Variants in WWOX observed in about 807,000 individuals in gnomAD.
WWOX encodes WW domain-containing oxidoreductase.
In WWOX, 69 loss-of-function variants were observed where a neutral mutation model predicts 46.2. That is an observed-to-expected ratio of 1.49 (90% CI 1.23 to 1.82). The LOEUF (loss-of-function observed/expected upper bound fraction) is 1.82. Among genes scored for constraint, WWOX ranks in the 40% most tolerant of loss-of-function variants. The pLI is 0.00. For missense variants in WWOX, 919 were observed against 542.6 expected (o/e 1.69, Z -6.89); for synonymous variants, 359 against 202.6 (o/e 1.77, Z -6.56).
intron 8 of WWOX, among the ~76,000 whole-genome samples, chr16:78,801,191 A>G (rs913965381): frequency 6.6e-6 from 1 of 151,912 alleles, no homozygotes; most frequent in Non-Finnish European, 1.5e-5. Context: ...TTTCTACCTC[A>G]TTAAAACAAA....
chr16:78,462,746 C>T (rs1337390123), intron 8 of WWOX, among the ~76,000 whole-genome samples: 2 of 152,200 alleles, frequency 1.3e-5, no homozygotes, highest in Non-Finnish European at 2.9e-5. Flanking sequence ...TAGTTACTGT[C>T]AGTTGTTGTA....
At position 78,721,778 on chromosome 16, in the gene WWOX, C is replaced by G. The variant is rs539288423; in HGVS notation, c.1056+289026C>G. On this transcript the variant is annotated intron_variant, in intron 8 of 8. Transcript: ENST00000566780. The stretch of plus-strand genomic sequence containing the variant: ...TACATACACAGGGCCAGGTACATAG[C>G]AGGTGCTCCGAAGATACCCCCGACT... 5.9e-5 allele frequency among the ~76,000 whole-genome samples: 9 copies of G among 152,300 alleles called. No homozygotes were observed. The South Asian group carries it at 1.9e-3, about 32-fold the overall frequency.
At chr16:78,579,538 G>A (rs575254093) in intron 8 of WWOX, among the ~76,000 whole-genome samples, 1 of 152,124 alleles carries the variant, frequency 6.6e-6, no homozygotes, top group Middle Eastern at 3.2e-3. Flanking sequence ...AGGATGCTAG[G>A]TGAGGTGCTG....
At chr16:78,910,311 A>G (rs2045075857) in intron 8 of WWOX, among the ~76,000 whole-genome samples, 1 of 150,640 alleles carries the variant, frequency 6.6e-6, no homozygotes, top group African/African-American at 2.4e-5. Flanking sequence ...TGGATCCTCC[A>G]TCTTCCAGCA....
rs183323956 is a variant in WWOX, at chr16:78,481,210, G to A, written c.1056+48458G>A. ...TGTAAATAAGTAGACATCTTTTGAG[G>A]CGTATGCCCTTAATTTTTCTAACTG... On this transcript the variant is annotated intron_variant, in intron 8 of 8. Transcript: ENST00000566780. 2.9e-3 allele frequency among the ~76,000 whole-genome samples: 437 copies of A among 152,248 alleles called. 3 individuals carry two copies. The highest frequency in any genetic ancestry group is 0.01 in the African/African-American group (424 of 41,552).
chr16:78,941,510 A>C (rs992638367), intron 8 of WWOX, among the ~76,000 whole-genome samples: 17 of 151,060 alleles, frequency 1.1e-4, no homozygotes, highest in Admixed American at 8.6e-4. Flanking sequence ...TGGATTCAGG[A>C]GTTCATAGTA....
chr16:79,133,459 C>A (rs553326541), intron 8 of WWOX, among the ~76,000 whole-genome samples: 4 of 152,180 alleles, frequency 2.6e-5, no homozygotes, highest in African/African-American at 9.7e-5. Flanking sequence ...TTACACAGAA[C>A]GAGTACGGTC....
intron 8 of WWOX, among the ~76,000 whole-genome samples, chr16:78,828,016 G>A (rs535156456): frequency 1.6e-3 from 239 of 152,298 alleles, no homozygotes; most frequent in Admixed American, 3.4e-3. Flanking sequence ...ATTAGCTGCT[G>A]GGTGTCAAGA....
At chr16:78,509,924 TAA>T (rs59162697) in intron 8 of WWOX, among the ~76,000 whole-genome samples, 80,110 of 142,582 alleles carry the variant, frequency 0.56, 25,384 homozygotes, top group Non-Finnish European at 0.7. Context: ...CTCATCTCTT[TAA>T]AAAAAAAAAA....
At chr16:78,411,909 C>G (rs999854396) in intron 6 of WWOX, among the ~76,000 whole-genome samples, 5 of 152,178 alleles carry the variant, frequency 3.3e-5, no homozygotes, top group African/African-American at 1.2e-4. Flanking sequence ...GGGAAGCAGG[C>G]TTTGGTTTCT....
chr16:78,229,353 C>G lies in WWOX; in HGVS notation c.516+65064C>G, dbSNP rs114448765. ...GATCAAATTGCTTTTCTTTTTAACT[C>G]TAGTTAAATATTTTCCATTCTTTTT... On this transcript the variant is annotated intron_variant, in intron 5 of 8. Coordinates refer to ENST00000566780, the MANE Select transcript of WWOX (RefSeq NM_016373.4). Among the ~76,000 whole-genome samples the G allele has an allele frequency of 9.1e-3, 1,380 of 150,972 alleles. 31 individuals are homozygous for G. The highest frequency in any genetic ancestry group is 0.032 in the African/African-American group (1,322 of 41,324).
chr16:79,083,746 G>C (rs925312607), intron 8 of WWOX, among the ~76,000 whole-genome samples: 1 of 152,182 alleles, frequency 6.6e-6, no homozygotes, highest in African/African-American at 2.4e-5. Flanking sequence ...TTTCACTAAG[G>C]CACAAAGGGA....
Position 78,736,853 on chromosome 16 carries a change from C to T in WWOX, c.1056+304101C>T, listed in dbSNP as rs8051793. On this transcript the variant is annotated intron_variant, in intron 8 of 8. Transcript: ENST00000566780. ...CAAACTCCTGGGCTCATACAATTCC[C>T]CTGCCTCAGAATCCCAAAGTGCTGG... 5.6e-3 allele frequency among the ~76,000 whole-genome samples: 846 copies of T among 152,112 alleles called. 7 individuals carry two copies. The highest frequency in any genetic ancestry group is 0.019 in the African/African-American group (768 of 41,484).
intron 8 of WWOX, among the ~76,000 whole-genome samples, chr16:78,735,054 A>T (rs963649074): frequency 6.6e-6 from 1 of 150,586 alleles, no homozygotes; most frequent in Non-Finnish European, 1.5e-5. Context: ...GTTAGTAGAG[A>T]CAGGGTTTCA....
intron 8 of WWOX, among the ~76,000 whole-genome samples, chr16:78,504,940 C>T (rs2085156656): frequency 6.6e-6 from 1 of 152,098 alleles, no homozygotes; most frequent in African/African-American, 2.4e-5. Flanking sequence ...CGTTGCAGGA[C>T]TCCCCGGAAA....
intron 5 of WWOX, among the ~76,000 whole-genome samples, chr16:78,322,587 A>G (rs1343250487): frequency 2.0e-5 from 3 of 152,344 alleles, no homozygotes; most frequent in East Asian, 3.9e-4. Context: ...GAGAGGTACA[A>G]TTCAAACCCA....
At chr16:79,184,574 G>A (rs981690572) in intron 8 of WWOX, among the ~76,000 whole-genome samples, 26 of 152,146 alleles carry the variant, frequency 1.7e-4, no homozygotes, top group Admixed American at 5.2e-4. Flanking sequence ...CACCCACTCT[G>A]CAACTCTCCA....
chr16:78,796,526 A>G (rs75040401), intron 8 of WWOX, among the ~76,000 whole-genome samples: 2,093 of 152,374 alleles, frequency 0.014, 51 homozygotes, highest in African/African-American at 0.047. Context: ...AAATGTTTTC[A>G]GTGAACACAT....
At chr16:78,184,709 T>A (rs2035641008) in intron 5 of WWOX, among the ~76,000 whole-genome samples, 1 of 152,176 alleles carries the variant, frequency 6.6e-6, no homozygotes, top group African/African-American at 2.4e-5. Context: ...TGTTACAGTT[T>A]TTATGGTCGG....
Sources: allele counts gnomAD v4.1 joint callset (sites outside exome capture counted in the v4.1 genomes callset), GRCh38; gene constraint gnomAD v4.1.1; transcripts MANE v1.5; gene names NCBI Gene and HGNC (gene_info 2026-07-23, HGNC 2026-07-21).